The following LHFPL6 variants were observed in gnomAD, a reference collection of about 807,000 sequenced individuals.
The protein encoded by LHFPL6 is LHFPL tetraspan subfamily member 6.
LHFPL6 carries 9 observed loss-of-function variants against 20.6 expected under a neutral mutation model. That is an observed-to-expected ratio of 0.44 (90% confidence interval 0.26 to 0.76). LHFPL6 has a LOEUF of 0.76. Among genes scored for constraint, LHFPL6 ranks in the 30% least tolerant of loss-of-function variants. The pLI is 0.20. For synonymous variants in LHFPL6, 105 were observed against 98.7 expected (o/e 1.06, Z -0.38); for missense variants, 218 against 253.5 (o/e 0.86, Z 0.95).
chr13:39,385,464 T>G (rs1870539720), intron 2 of LHFPL6, among the ~76,000 whole-genome samples: 1 of 152,264 alleles, frequency 6.6e-6, no homozygotes, highest in African/African-American at 2.4e-5. Flanking sequence ...GTGATGAAAG[T>G]CTGTTCTTTA....
chr13:39,451,225 T>C lies in LHFPL6; in HGVS notation c.386-72699A>G, dbSNP rs1872437839. 2.6e-5 allele frequency among the ~76,000 whole-genome samples: 4 copies of C among 152,018 alleles called. No individual in the cohort carries two copies. In the South Asian group the frequency reaches 6.2e-4, roughly 24 times the overall value. ...GTGTGATTAAAAATAGTTTACAGAG[T>C]CAATGGAAGATACTATTAAGTTTGT... On this transcript the variant is annotated intron_variant, in intron 2 of 3. Transcript: ENST00000379589.
At chr13:39,562,391 T>C (rs74693374) in intron 2 of LHFPL6, among the ~76,000 whole-genome samples, 56 of 42,936 alleles carry the variant, frequency 1.3e-3, no homozygotes, top group Middle Eastern at 0.016. Flanking sequence ...TACATATACA[T>C]ATATATACAT....
chr13:39,347,133 T>C (rs1407267547), intron 3 of LHFPL6, among the ~76,000 whole-genome samples: 5 of 149,146 alleles, frequency 3.4e-5, no homozygotes, highest in Admixed American at 6.7e-5. Flanking sequence ...AAAATCAATG[T>C]CCTTCCTATA....
At chr13:39,384,293 C>T (rs910634433) in intron 2 of LHFPL6, among the ~76,000 whole-genome samples, 1 of 152,140 alleles carries the variant, frequency 6.6e-6, no homozygotes, top group Non-Finnish European at 1.5e-5. Flanking sequence ...TATGGTCTCT[C>T]GTTAGGAAAT....
chr13:39,531,250 C>T (rs1002662180), intron 2 of LHFPL6, among the ~76,000 whole-genome samples: 1 of 152,138 alleles, frequency 6.6e-6, no homozygotes, highest in Non-Finnish European at 1.5e-5. Context: ...TAGGAAACAT[C>T]CTTTTCTGAA....
At chr13:39,532,619 A>G (rs1401122660) in intron 2 of LHFPL6, among the ~76,000 whole-genome samples, 1 of 152,164 alleles carries the variant, frequency 6.6e-6, no homozygotes, top group African/African-American at 2.4e-5. Context: ...GTCTTCTATG[A>G]GTTAAAGTTT....
intron 2 of LHFPL6, among the ~76,000 whole-genome samples, chr13:39,454,912 T>G (rs896105510): frequency 2.1e-4 from 32 of 152,278 alleles, no homozygotes; most frequent in African/African-American, 7.2e-4. Context: ...TCTGGAAAAA[T>G]AAATGTTACT....
chr13:39,510,142 A>C (rs534634873), intron 2 of LHFPL6, among the ~76,000 whole-genome samples: 24 of 152,340 alleles, frequency 1.6e-4, no homozygotes, highest in Non-Finnish European at 3.4e-4. Context: ...ATGAGGCGTA[A>C]TGATAAATAT....
At chr13:39,394,934 C>G (rs558746899) in intron 2 of LHFPL6, among the ~76,000 whole-genome samples, 11 of 152,164 alleles carry the variant, frequency 7.2e-5, no homozygotes, top group African/African-American at 2.7e-4. Flanking sequence ...CTGCCTGGCA[C>G]AGACTATATC....
At chr13:39,479,804 G>A (rs1051802002) in intron 2 of LHFPL6, among the ~76,000 whole-genome samples, 6 of 152,156 alleles carry the variant, frequency 3.9e-5, no homozygotes, top group African/African-American at 1.2e-4. Flanking sequence ...TAAACTCTGT[G>A]TAGCTGAGTC....
intron 2 of LHFPL6, among the ~76,000 whole-genome samples, chr13:39,490,339 A>G (rs1024600546): frequency 6.6e-6 from 1 of 152,210 alleles, no homozygotes; most frequent in African/African-American, 2.4e-5. Context: ...AGTCTCTAAA[A>G]GCCTGATAGG....
chr13:39,347,266 G>A (rs1869430396), intron 3 of LHFPL6, among the ~76,000 whole-genome samples: 1 of 152,136 alleles, frequency 6.6e-6, no homozygotes. Context: ...TGACATGAGA[G>A]CTTCACACTT....
chr13:39,535,976 G>C (rs555505710), intron 2 of LHFPL6, among the ~76,000 whole-genome samples: 26 of 152,112 alleles, frequency 1.7e-4, no homozygotes, highest in African/African-American at 6.3e-4. Flanking sequence ...TTGATTACCT[G>C]CTTCAGCTTT....
chr13:39,576,786 A>G (rs1872129878), intron 2 of LHFPL6, among the ~76,000 whole-genome samples: 1 of 148,968 alleles, frequency 6.7e-6, no homozygotes, highest in African/African-American at 2.5e-5. Context: ...GGCATGCACC[A>G]TCATGCCCAG....
rs1282834340 is a variant in LHFPL6, at chr13:39,360,515, C to CAA, written c.485-16463_485-16462dup. Among the ~76,000 whole-genome samples, 2 of 97,324 alleles carry CAA rather than the reference C, an allele frequency of 2.1e-5. 1 individual carries two copies. Among genetic ancestry groups the CAA allele is most frequent in the Non-Finnish European group, 4.8e-5 (2 of 41,274 alleles). 63.8% of individuals were successfully genotyped at this position (97,324 alleles called of 152,430 possible). A position where few individuals can be genotyped will look rare whatever the true frequency, so the allele number is the denominator to read the frequency against. On this transcript the variant is annotated intron_variant, in intron 3 of 3. Transcript: ENST00000379589. Reference sequence around the variant, plus strand: ...CTAGAAAAGATAAGATGTGTATTGGCAAAGAGCTCATAACAGAACAGTGCT... The same window carrying CAA: ...CTAGAAAAGATAAGATGTGTATTGGCAAAAAGAGCTCATAACAGAACAGTGCT...
chr13:39,590,449 C>T lies in LHFPL6; in HGVS notation c.385+10383G>A, dbSNP rs1443299562. Among the ~76,000 whole-genome samples, 3 of 152,122 alleles carry T rather than the reference C, an allele frequency of 2.0e-5. No individual in the cohort carries two copies. The East Asian group carries it at 5.8e-4, about 29-fold the overall frequency. Reference sequence around the variant, plus strand: ...TTCCTGGTAGCACCTATTGGTACACCCAGGAATTAATGTTCCTCAGAACTC... The same window carrying T: ...TTCCTGGTAGCACCTATTGGTACACTCAGGAATTAATGTTCCTCAGAACTC... On this transcript the variant is annotated intron_variant, in intron 2 of 3. Transcript: ENST00000379589.
intron 2 of LHFPL6, among the ~76,000 whole-genome samples, chr13:39,569,611 C>T (rs762733873): frequency 4.6e-5 from 7 of 151,960 alleles, no homozygotes; most frequent in Admixed American, 1.3e-4. Flanking sequence ...TTGGTTTTGA[C>T]GAGAAAATAC....
At chr13:39,465,943 T>G (rs1016789976) in intron 2 of LHFPL6, among the ~76,000 whole-genome samples, 1 of 151,858 alleles carries the variant, frequency 6.6e-6, no homozygotes, top group South Asian at 2.1e-4. Context: ...AGAGGATGGG[T>G]GGCGGCTTCC....
chr13:39,505,975 C>T (rs1593339860), intron 2 of LHFPL6, among the ~76,000 whole-genome samples: 3 of 152,256 alleles, frequency 2.0e-5, no homozygotes, highest in South Asian at 4.1e-4. Context: ...ATCTGCGGAA[C>T]ATCTCTCCTT....
Sources: allele counts gnomAD v4.1 joint callset (sites outside exome capture counted in the v4.1 genomes callset), GRCh38; gene constraint gnomAD v4.1.1; transcripts MANE v1.5; gene names NCBI Gene and HGNC (gene_info 2026-07-23, HGNC 2026-07-21).